IL16: variants seen among roughly 807,000 people sequenced by gnomAD.
IL16 encodes the protein pro-interleukin-16.
A neutral mutation model predicts 110.1 loss-of-function variants in IL16; 67 were observed. The ratio of observed to expected loss-of-function variants is 0.61; its 90% CI spans 0.50 to 0.75. IL16 has a LOEUF of 0.75. Among genes scored for constraint, IL16 ranks in the 30% least tolerant of loss-of-function variants. The pLI is 0.00. For synonymous variants in IL16, 689 were observed against 662.9 expected, an observed-to-expected ratio of 1.04 and a Z score of -0.61; for missense variants, 1,545 against 1,655.0, an observed-to-expected ratio of 0.93 and a Z score of 1.15.
At position 81,269,591 on chromosome 15, in the gene IL16, T is replaced by A; in HGVS notation, c.618T>A (p.Ser206=). ...SLSTAQLVQP[S]GGLQASVISN... is the part of the protein sequence containing the mutation. ...GCACAGCTCAGCTCGTGCAGCCATC[T>A]GGGGGCCTCCAGGCTTCAGTCATCT... The change falls in exon 5 of 19, where the codon TCT becomes TCA. Residue 206 remains serine, a synonymous_variant. Transcript: ENST00000683961. 6.2e-7 allele frequency: 1 copy of A among 1,614,176 alleles called. No individual in the cohort carries two copies. Among genetic ancestry groups the A allele is most frequent in the Admixed American group, 1.7e-5 (1 of 60,022 alleles).
rs371076222 is a variant in IL16, at chr15:81,201,270, C to A, written c.-102+4118C>A. Among the ~76,000 whole-genome samples, 351 of 151,934 alleles carry A rather than the reference C, an allele frequency of 2.3e-3. 14 individuals are homozygous for A. In the South Asian group the frequency reaches 0.071, roughly 31 times the overall value. ...TCAAGCCAAAGCAATCACACATACA[C>A]CCACACACATGCACGCACACACCCC... On this transcript the variant is annotated intron_variant, in intron 1 of 18. Coordinates refer to ENST00000683961, the MANE Select transcript of IL16 (RefSeq NM_172217.5).
chr15:81,199,058 TATAA>T (rs1895717482), intron 1 of IL16, among the ~76,000 whole-genome samples: 3 of 143,922 alleles, frequency 2.1e-5, no homozygotes, highest in East Asian at 2.0e-4. Context: ...TATATATATA[TATAA>T]AATACATATT....
chr15:81,279,616 C>T lies in IL16; in HGVS notation c.923C>T (p.Ser308Phe). ...TVRTRLTAPP[S>F]LCSHLSPPLC... is the part of the protein sequence containing the mutation. Reference sequence around the variant, plus strand: ...AGAACCCGCCTGACGGCGCCTCCTTCCCTGTGCAGCCACCTGTCTCCCCCA... The same window carrying T: ...AGAACCCGCCTGACGGCGCCTCCTTTCCTGTGCAGCCACCTGTCTCCCCCA... Residue 308 changes from serine to phenylalanine, a missense_variant, in exon 8 of 19, where the codon TCC becomes TTC. By Grantham distance (155) the Ser-to-Phe change is radical. Transcript: ENST00000683961. 6.2e-7 allele frequency: 1 copy of T among 1,614,142 alleles called. No homozygotes were observed. The highest frequency in any genetic ancestry group is 8.5e-7 in the Non-Finnish European group (1 of 1,180,010).
rs776652388 is a variant in IL16, at chr15:81,225,449, G to A, written c.50G>A (p.Arg17Gln). Reference protein sequence around the residue: ...AGKSRKSAKFRSISRSLMLCN... With the variant: ...AGKSRKSAKFQSISRSLMLCN... ...AAGAGCAGAAAATCTGCAAAATTTC[G>A]GTCCATCTCCAGGTCCCTGATGCTC... The change falls in exon 2 of 19, where the codon CGG (arginine) becomes CAG (glutamine). Residue 17 changes from arginine to glutamine, a missense_variant. Physicochemically the swap from Arg to Gln is conservative, Grantham distance 43. Coordinates refer to ENST00000683961, the MANE Select transcript of IL16 (RefSeq NM_172217.5). The A allele has an allele frequency of 5.0e-6, 8 of 1,614,090 alleles. No homozygotes were observed. Among genetic ancestry groups the A allele is most frequent in the Admixed American group, 1.7e-5 (1 of 60,006 alleles).
intron 16 of IL16, among the ~76,000 whole-genome samples, chr15:81,305,542 C>T (rs1369937377): frequency 6.6e-6 from 1 of 152,026 alleles, no homozygotes; most frequent in African/African-American, 2.4e-5. Context: ...TTACACAATA[C>T]CCGTTAATAT....
In IL16 at chr15:81,225,468, G is replaced by T; in HGVS notation, c.69G>T (p.Leu23=). ...AATTTCGGTCCATCTCCAGGTCCCTGATGCTCTGTAATGCTAAGACCAGTG... is the reference window on the plus strand; with the variant it reads ...AATTTCGGTCCATCTCCAGGTCCCTTATGCTCTGTAATGCTAAGACCAGTG... ...SAKFRSISRS[L]MLCNAKTSDD... Residue 23 remains leucine, a synonymous_variant, in exon 2 of 19, where the codon CTG becomes CTT. Coordinates refer to ENST00000683961, the MANE Select transcript of IL16 (RefSeq NM_172217.5). 6.2e-7 allele frequency: 1 copy of T among 1,614,178 alleles called. No homozygotes were observed. Among genetic ancestry groups the T allele is most frequent in the Non-Finnish European group, 8.5e-7 (1 of 1,180,018 alleles).
chr15:81,230,135 G>A (rs542692442), intron 2 of IL16, among the ~76,000 whole-genome samples: 1 of 152,280 alleles, frequency 6.6e-6, no homozygotes, highest in South Asian at 2.1e-4. Flanking sequence ...TGTTTGTTCT[G>A]GGGGAGCTTC....
chr15:81,264,675 G>A (rs182205976), intron 3 of IL16, among the ~76,000 whole-genome samples: 256 of 152,258 alleles, frequency 1.7e-3, no homozygotes, highest in African/African-American at 6.0e-3. Flanking sequence ...CCTCTAGAAC[G>A]GAACTGCCCA....
chr15:81,271,652 G>C (rs944340965), intron 5 of IL16, among the ~76,000 whole-genome samples: 4 of 152,134 alleles, frequency 2.6e-5, no homozygotes, highest in African/African-American at 7.2e-5. Flanking sequence ...CCCAGGATGG[G>C]TGAGACTTTG....
intron 2 of IL16, among the ~76,000 whole-genome samples, chr15:81,231,146 A>G (rs931876342): frequency 6.6e-6 from 1 of 152,116 alleles, no homozygotes; most frequent in Non-Finnish European, 1.5e-5. Flanking sequence ...TTTTGAGACC[A>G]GCCTGGGCAG....
In IL16 at chr15:81,308,682, C is replaced by T; in HGVS notation, c.3883C>T (p.Leu1295Phe). 1 of 1,613,672 alleles carries T rather than the reference C, an allele frequency of 6.2e-7. No homozygotes were observed. Among genetic ancestry groups the T allele is most frequent in the South Asian group, 1.1e-5 (1 of 91,070 alleles). Residue 1295 changes from leucine to phenylalanine, a missense_variant, in exon 19 of 19, where the codon CTC becomes TTC. This residue lies in a region of IL16 where 356 missense variants were observed against 399.3 expected (regional missense o/e 0.89). Coordinates refer to ENST00000683961, the MANE Select transcript of IL16 (RefSeq NM_172217.5). ...LQLGGTAMQGLTRFEAWNIIK... is the reference protein window; with the variant it reads ...LQLGGTAMQGFTRFEAWNIIK... ...GCTGGGTGGCACTGCCATGCAGGGC[C>T]TCACACGGTTTGAAGCCTGGAACAT...
chr15:81,299,801 C>G lies in IL16; in HGVS notation c.2475C>G (p.His825Gln), dbSNP rs148177456. Residue 825 changes from histidine to glutamine, a missense_variant, in exon 14 of 19, where the codon CAC becomes CAG. Physicochemically the swap from His to Gln is conservative, Grantham distance 24. Around this residue, in one of 3 missense-constraint regions of IL16, gnomAD observed 1,185 missense variants for 1,238.8 expected, o/e 0.96. Transcript: ENST00000683961. ...AGCCAGCACCTGCTTCCAGGGAGCA[C>G]CTAGGATCACACATCCGGGCCTCCT... ...STQPAPASRE[H>Q]LGSHIRASSS... 1 of 1,613,990 alleles carries G rather than the reference C, an allele frequency of 6.2e-7. No individual in the cohort carries two copies. The highest frequency in any genetic ancestry group is 1.1e-5 in the South Asian group (1 of 91,086).
chr15:81,253,434 C>G (rs1022579895), intron 2 of IL16, among the ~76,000 whole-genome samples: 1 of 152,064 alleles, frequency 6.6e-6, no homozygotes, highest in African/African-American at 2.4e-5. Context: ...TGTTTTTTCA[C>G]TTTCTTGATG....
intron 1 of IL16, among the ~76,000 whole-genome samples, chr15:81,221,460 C>G (rs936167663): frequency 6.6e-6 from 1 of 152,192 alleles, no homozygotes; most frequent in African/African-American, 2.4e-5. Context: ...GCTTGCCCCC[C>G]AGCTCTGCTG....
chr15:81,229,161 A>G (rs1166567095), intron 2 of IL16, among the ~76,000 whole-genome samples: 2 of 152,218 alleles, frequency 1.3e-5, no homozygotes, highest in East Asian at 1.9e-4. Context: ...ATAGTTGACA[A>G]TGCTCAGAGG....
intron 1 of IL16, among the ~76,000 whole-genome samples, chr15:81,190,175 TGA>T (rs982654462): frequency 2.6e-5 from 4 of 152,238 alleles, no homozygotes; most frequent in African/African-American, 9.6e-5. Context: ...AAAGTCTTGC[TGA>T]GTGGAAACAT....
intron 3 of IL16, among the ~76,000 whole-genome samples, chr15:81,261,147 A>G (rs762911190): frequency 3.3e-5 from 5 of 152,346 alleles, no homozygotes; most frequent in Non-Finnish European, 1.5e-5. Context: ...TGCAGCCAAG[A>G]CCAGCTATAC....
At chr15:81,217,348 T>C (rs914948192) in intron 1 of IL16, among the ~76,000 whole-genome samples, 1 of 152,162 alleles carries the variant, frequency 6.6e-6, no homozygotes, top group Non-Finnish European at 1.5e-5. Context: ...ATGTAAGTGA[T>C]CAAAATTAAC....
At chr15:81,269,461 C>A in intron 4 of IL16, 77 bp from the exon 5 acceptor site, 3 of 985,786 alleles carry the variant, frequency 3.0e-6, no homozygotes, top group Non-Finnish European at 4.9e-6. Context: ...TTTGGCTGGG[C>A]TTTTCCCCTT....
Sources: gnomAD v4.1 joint callset for allele counts (sites outside exome capture counted in the v4.1 genomes callset) on GRCh38, gnomAD v4.1.1 for gene constraint, gnomAD v4.1.1 regional missense constraint, MANE v1.5 for transcripts, NCBI Gene and HGNC (gene_info 2026-07-23, HGNC 2026-07-21) for gene names.